Variants in WRNIP1 observed in about 807,000 individuals in gnomAD.
WRNIP1 encodes the protein WRN helicase interacting protein 1.
A neutral mutation model predicts 56.1 loss-of-function variants in WRNIP1; 41 were observed. That is an observed-to-expected ratio of 0.73 (90% confidence interval 0.57 to 0.95). The LOEUF is 0.95. Among genes scored for constraint, WRNIP1 ranks in the 40% least tolerant of loss-of-function variants. The pLI is 0.00. For synonymous variants in WRNIP1, 547 were observed against 398.1 expected (o/e 1.37, Z -4.45); for missense variants, 1,170 against 939.4 (o/e 1.25, Z -3.21).
intron 1 of WRNIP1, among the ~76,000 whole-genome samples, 191 bp from the exon 2 acceptor site, chr6:2,768,500 T>G (rs909292083): frequency 2.0e-5 from 3 of 152,194 alleles, no homozygotes; most frequent in African/African-American, 2.4e-5. Context: ...TCCTGTTTTA[T>G]TTATAATATT....
At chr6:2,778,220 T>C (rs960205697) in intron 3 of WRNIP1, among the ~76,000 whole-genome samples, 3 of 152,162 alleles carry the variant, frequency 2.0e-5, no homozygotes, top group Non-Finnish European at 2.9e-5. Flanking sequence ...TACATTGTTT[T>C]CCAGGTAGCT....
chr6:2,773,505 T>A, intron 3 of WRNIP1: 1 of 985,400 alleles, frequency 1.0e-6, no homozygotes, highest in Non-Finnish European at 1.2e-6. Context: ...GTTGCTTTGG[T>A]TTGTATGGCT....
rs1256394805 is a variant in WRNIP1, at chr6:2,766,162, G to T, written c.540G>T (p.Ala180=). 7.5e-7 allele frequency: 1 copy of T among 1,333,312 alleles called. No individual in the cohort carries two copies. The allele number at this position is 1,333,312 out of a possible 1,614,324, so 82.6% of individuals were successfully genotyped here. A position where few individuals can be genotyped will look rare whatever the true frequency, so the allele number is the denominator to read the frequency against. ...GCGATGGCGACGGGGACGCGGACGC[G>T]GACGGCGAGGACGACCCGGGGCACT... ...GDGDGDGDAD[A]DGEDDPGHWD... The change falls in exon 1 of 7, where the codon GCG becomes GCT. Residue 180 remains alanine (A), a synonymous_variant. Coordinates refer to ENST00000380773, the MANE Select transcript of WRNIP1 (RefSeq NM_020135.3).
At chr6:2,782,504 T>C (rs1314774120) in intron 4 of WRNIP1, among the ~76,000 whole-genome samples, 1 of 152,208 alleles carries the variant, frequency 6.6e-6, no homozygotes, top group African/African-American at 2.4e-5. Flanking sequence ...GCCAGTCGTA[T>C]TGTGGACATG....
chr6:2,780,018 T>G (rs191535500), intron 4 of WRNIP1, among the ~76,000 whole-genome samples: 2 of 151,948 alleles, frequency 1.3e-5, no homozygotes, highest in Non-Finnish European at 2.9e-5. Context: ...TGTGCACTTA[T>G]CTGTTTTTGT....
At chr6:2,772,197 G>A (rs565504550) in intron 3 of WRNIP1, among the ~76,000 whole-genome samples, 4 of 152,340 alleles carry the variant, frequency 2.6e-5, no homozygotes, top group Non-Finnish European at 5.9e-5. Context: ...GCACATTAAA[G>A]TTTGAGAAGA....
intron 3 of WRNIP1, among the ~76,000 whole-genome samples, chr6:2,771,770 A>G (rs184185990): frequency 1.5e-3 from 235 of 152,336 alleles, no homozygotes; most frequent in Non-Finnish European, 2.6e-3. Context: ...ACTCATGTGT[A>G]GGTTTCCCGT....
chr6:2,766,581 G>A (rs779916466), intron 1 of WRNIP1, 137 bp downstream of exon 1: 20 of 1,378,064 alleles, frequency 1.5e-5, no homozygotes, highest in Non-Finnish European at 1.8e-5. Flanking sequence ...CTTGGGCTGG[G>A]CTGGGGCAGT....
chr6:2,775,769 A>G (rs191407242), intron 3 of WRNIP1, among the ~76,000 whole-genome samples: 34 of 152,336 alleles, frequency 2.2e-4, no homozygotes, highest in Non-Finnish European at 4.0e-4. Flanking sequence ...GTCTGTTTCT[A>G]TCTCTAGGTT....
chr6:2,766,059 C>T lies in WRNIP1; in HGVS notation c.437C>T (p.Ala146Val), dbSNP rs1041596579. ...GGGTCGGGGAAGAGGCCGGCGGCCG[C>T]CGCCGCGGCGGGGAGCGCGTCTCCG... Reference protein sequence around the residue: ...RKGSGKRPAAAAAAGSASPRS... With the variant: ...RKGSGKRPAAVAAAGSASPRS... The change falls in exon 1 of 7, where the codon GCC becomes GTC. Residue 146 changes from alanine (A) to valine (V), a missense_variant. Physicochemically the swap from Ala to Val is moderately conservative, Grantham distance 64. Transcript: ENST00000380773. 6 of 1,294,194 alleles carry T rather than the reference C, an allele frequency of 4.6e-6. No individual in the cohort carries two copies. The highest frequency in any genetic ancestry group is 5.9e-6 in the Non-Finnish European group (6 of 1,025,532). 80.2% of individuals were successfully genotyped at this position (1,294,194 alleles called of 1,614,324 possible).
intron 3 of WRNIP1, among the ~76,000 whole-genome samples, chr6:2,775,280 G>C (rs149918851): frequency 0.01 from 1,527 of 152,174 alleles, 24 homozygotes; most frequent in African/African-American, 0.035. Context: ...AACCAGATCT[G>C]CACATCACAC....
rs778874235 is a variant in WRNIP1 at position 2,785,013 on chromosome 6, C to T, written c.1729C>T (p.Leu577=). The T allele has an allele frequency of 8.6e-5, 139 of 1,613,918 alleles. 1 individual carries two copies. The highest frequency in any genetic ancestry group is 1.1e-4 in the Non-Finnish European group (133 of 1,179,984). Residue 577 remains leucine, a synonymous_variant, in exon 7 of 7, where the codon CTG becomes TTG. Coordinates refer to ENST00000380773, the MANE Select transcript of WRNIP1 (RefSeq NM_020135.3). Reference sequence around the variant, plus strand: ...TCCTCTGTGTCATTGGTAGGTGCTTCTGGCCCAGTGTGTGGTCTACTTTGC... The same window carrying T: ...TCCTCTGTGTCATTGGTAGGTGCTTTTGGCCCAGTGTGTGGTCTACTTTGC... ...FIGMPECEVL[L]AQCVVYFARA...
At chr6:2,777,396 G>A (rs935397357) in intron 3 of WRNIP1, among the ~76,000 whole-genome samples, 3 of 152,302 alleles carry the variant, frequency 2.0e-5, no homozygotes, top group Admixed American at 1.3e-4. Flanking sequence ...GGCTAGTTCA[G>A]TCCGTTAGGA....
At chr6:2,767,916 G>A (rs2113450462) in intron 1 of WRNIP1, among the ~76,000 whole-genome samples, 2 of 152,300 alleles carry the variant, frequency 1.3e-5, no homozygotes, top group East Asian at 3.9e-4. Context: ...CACAGAATGG[G>A]TGCTCTACAA....
rs1045307686 is a variant in WRNIP1, at chr6:2,765,518, G to T, written c.-105G>T. ...CCCGCGAGCGTCCTGCTGGTTCCCCGAGCGAGGGTCTCGCGGCGCGGGGCC... is the reference window on the plus strand; with the variant it reads ...CCCGCGAGCGTCCTGCTGGTTCCCCTAGCGAGGGTCTCGCGGCGCGGGGCC... On this transcript the variant is annotated 5_prime_UTR_variant, in exon 1 of 7. Coordinates refer to ENST00000380773, the MANE Select transcript of WRNIP1 (RefSeq NM_020135.3). 161 of 1,285,420 alleles carry T rather than the reference G, an allele frequency of 1.3e-4. No homozygotes were observed. The highest frequency in any genetic ancestry group is 1.5e-4 in the Non-Finnish European group (152 of 1,017,602). 79.6% of individuals were successfully genotyped at this position (1,285,420 alleles called of 1,614,324 possible). A position where few individuals can be genotyped will look rare whatever the true frequency, so the allele number is the denominator to read the frequency against.
intron 3 of WRNIP1, among the ~76,000 whole-genome samples, chr6:2,772,322 A>C (rs1765316981): frequency 6.6e-6 from 1 of 152,178 alleles, no homozygotes; most frequent in Non-Finnish European, 1.5e-5. Context: ...TAAATGATTT[A>C]CTATTTCCAC....
At position 2,770,486 on chromosome 6, in the gene WRNIP1, C is replaced by T. The variant is rs1017156253; in HGVS notation, c.1256+125C>T. On this transcript the variant is annotated intron_variant, in intron 3 of 6. Coordinates refer to ENST00000380773, the MANE Select transcript of WRNIP1 (RefSeq NM_020135.3). Reference sequence around the variant, plus strand: ...GACAGAGAAGAAATGTTGATCCGCCCGTAATGAAAATAAAAGAGGAGGGAA... The same window carrying T: ...GACAGAGAAGAAATGTTGATCCGCCTGTAATGAAAATAAAAGAGGAGGGAA... 1.4e-5 allele frequency: 19 copies of T among 1,340,066 alleles called. No individual in the cohort carries two copies. In the African/African-American group the frequency reaches 2.2e-4, roughly 16 times the overall value. The allele number at this position is 1,340,066 out of a possible 1,614,324, so 83.0% of individuals were successfully genotyped here.
intron 4 of WRNIP1, among the ~76,000 whole-genome samples, chr6:2,780,166 T>G (rs1006252046): frequency 2.6e-5 from 4 of 152,232 alleles, no homozygotes; most frequent in Non-Finnish European, 5.9e-5. Flanking sequence ...TACTGTAGAT[T>G]AGCAAACTTC....
chr6:2,779,567 C>A (rs1173184150), intron 4 of WRNIP1, 75 bp downstream of exon 4: 1 of 1,477,332 alleles, frequency 6.8e-7, no homozygotes, highest in African/African-American at 1.4e-5. Flanking sequence ...TTCCGGAAGC[C>A]TGACTGGGTT....
Sources: gnomAD v4.1 joint callset for allele counts (sites outside exome capture counted in the v4.1 genomes callset) on GRCh38, gnomAD v4.1.1 for gene constraint, MANE v1.5 for transcripts, NCBI Gene and HGNC (gene_info 2026-07-23, HGNC 2026-07-21) for gene names.